FBXL2: variants seen among roughly 807,000 people sequenced by gnomAD.
FBXL2 encodes the protein F-box/LRR-repeat protein 2.
In FBXL2, 38 loss-of-function variants were observed where a neutral mutation model predicts 69.2. The observed-to-expected ratio is 0.55, with a 90% CI of 0.42 to 0.72. FBXL2 has a LOEUF of 0.72. Among genes scored for constraint, FBXL2 ranks in the 30% least tolerant of loss-of-function variants. The pLI is 0.00. For missense variants in FBXL2, 354 were observed against 520.3 expected (o/e 0.68, Z 3.11); for synonymous variants, 192 against 201.3 (o/e 0.95, Z 0.39).
Position 33,364,812 on chromosome 3 carries a change from A to G in FBXL2, c.290+93A>G, listed in dbSNP as rs1163870364. The G allele has an allele frequency of 1.3e-5, 15 of 1,116,572 alleles. No homozygotes were observed. The Admixed American group carries it at 1.6e-4, about 12-fold the overall frequency. The allele number at this position is 1,116,572 out of a possible 1,614,324, so 69.2% of individuals were successfully genotyped here. A position where few individuals can be genotyped will look rare whatever the true frequency, so the allele number is the denominator to read the frequency against. ...GCCTATTACATGCTCTTCTTCTGTT[A>G]AAATTCTTTCTGTGGTAATTTGCAT... On this transcript the variant is annotated intron_variant, in intron 5 of 14. Transcript: ENST00000484457.
intron 2 of FBXL2, among the ~76,000 whole-genome samples, chr3:33,323,672 T>C (rs7372696): frequency 0.097 from 14,774 of 152,248 alleles, 752 homozygotes; most frequent in South Asian, 0.11. Context: ...TATCCCATGG[T>C]ATATATGTAC....
intron 2 of FBXL2, among the ~76,000 whole-genome samples, chr3:33,301,588 T>A (rs1342936872): frequency 6.6e-6 from 1 of 152,236 alleles, no homozygotes; most frequent in Non-Finnish European, 1.5e-5. Context: ...ATTCCTTCTC[T>A]ACTACCCATT....
At chr3:33,400,929 A>C (rs1350502548) in intron 12 of FBXL2, 6 of 1,585,392 alleles carry the variant, frequency 3.8e-6, no homozygotes, top group Non-Finnish European at 5.1e-6. Flanking sequence ...GAACCCTGAA[A>C]GCATCAGATA....
downstream of FBXL2, chr3:33,392,574 G>C (rs575265966): frequency 2.5e-6 from 4 of 1,610,818 alleles, no homozygotes; most frequent in South Asian, 4.4e-5. Flanking sequence ...TTTTACTGTG[G>C]AGAATAAAAA....
At chr3:33,297,366 T>C (rs1028275181) in intron 1 of FBXL2, among the ~76,000 whole-genome samples, 1 of 152,216 alleles carries the variant, frequency 6.6e-6, no homozygotes, top group Non-Finnish European at 1.5e-5. Flanking sequence ...GAGGTTGTTT[T>C]ACTTCTTCCT....
intron 2 of FBXL2, among the ~76,000 whole-genome samples, chr3:33,309,675 A>G (rs775276706): frequency 1.3e-5 from 2 of 152,054 alleles, no homozygotes; most frequent in Non-Finnish European, 2.9e-5. Flanking sequence ...TATTTCATAG[A>G]TCCTTCATTC....
intron 2 of FBXL2, among the ~76,000 whole-genome samples, chr3:33,322,064 A>AT (rs34703817): frequency 0.036 from 2,242 of 62,492 alleles, 512 homozygotes; most frequent in African/African-American, 0.055. Flanking sequence ...TGACTAGGTG[A>AT]TTTTTTTTTT....
At chr3:33,297,519 A>G (rs2035849429) in intron 1 of FBXL2, 145 bp from the exon 2 acceptor site, 5 of 581,594 alleles carry the variant, frequency 8.6e-6, no homozygotes, top group South Asian at 4.2e-5. Flanking sequence ...TCAATATTAG[A>G]ATATGGTGGC....
rs114057871 is a variant in FBXL2, at chr3:33,369,371, G to T, written c.291-3721G>T. Among the ~76,000 whole-genome samples, 1,409 of 151,818 alleles carry T rather than the reference G, an allele frequency of 9.3e-3. 19 individuals are homozygous for T. The highest frequency in any genetic ancestry group is 0.032 in the African/African-American group (1,314 of 41,430). ...CTGGCCGAGATTAAGTGTTTTTTAT[G>T]ATTTCATTTTATATTCTTTTTTAGC... On this transcript the variant is annotated intron_variant, in intron 5 of 14. Coordinates refer to ENST00000484457, the MANE Select transcript of FBXL2 (RefSeq NM_012157.5).
chr3:33,396,284 C>T (rs367993972), intron 12 of FBXL2: 8 of 1,570,306 alleles, frequency 5.1e-6, no homozygotes, highest in Admixed American at 5.1e-5. Flanking sequence ...AACCGACCTG[C>T]AATCAGAAGA....
intron 2 of FBXL2, among the ~76,000 whole-genome samples, chr3:33,300,013 G>A (rs978504796): frequency 2.9e-4 from 44 of 152,132 alleles, no homozygotes; most frequent in Admixed American, 2.9e-3. Context: ...AGTGCTTGCA[G>A]TCTGGGTCTG....
chr3:33,349,856 TA>T (rs1410884366), intron 2 of FBXL2, among the ~76,000 whole-genome samples: 4 of 152,184 alleles, frequency 2.6e-5, no homozygotes, highest in Non-Finnish European at 4.4e-5. Flanking sequence ...CAAAGAGAAG[TA>T]AACTGAATAG....
At chr3:33,370,772 C>T (rs1340677419) in intron 5 of FBXL2, among the ~76,000 whole-genome samples, 4 of 152,120 alleles carry the variant, frequency 2.6e-5, no homozygotes, top group African/African-American at 4.8e-5. Flanking sequence ...CACACTACCA[C>T]GCATGGCTAA....
At chr3:33,412,561 G>A in the FBXL2 span, among the ~76,000 whole-genome samples, 4 of 147,096 alleles carry the variant, frequency 2.7e-5, no homozygotes, top group South Asian at 4.3e-4. Flanking sequence ...TATCCTGGGC[G>A]AGAGAGCAAG....
chr3:33,373,667 G>A lies in FBXL2; in HGVS notation c.545G>A (p.Arg182Gln), dbSNP rs986759962. The change falls in exon 8 of 15, where the codon CGA (arginine) becomes CAA (glutamine). Residue 182 changes from arginine (R) to glutamine (Q), a missense_variant. By Grantham distance (43) the Arg-to-Gln change is conservative (BLOSUM62 1). Transcript: ENST00000484457. ...DGIEALVRGC[R>Q]GLKALLLRGC... ...ATCGAGGCACTGGTGCGAGGTTGTC[G>A]AGGCCTGAAAGCCCTGCTCCTGAGG... The A allele has an allele frequency of 2.5e-6, 4 of 1,614,190 alleles. No homozygotes were observed. Among genetic ancestry groups the A allele is most frequent in the African/African-American group, 1.3e-5 (1 of 75,052 alleles).
intron 1 of FBXL2, among the ~76,000 whole-genome samples, chr3:33,283,841 T>A (rs1383495608): frequency 1.3e-5 from 2 of 152,180 alleles, no homozygotes; most frequent in Non-Finnish European, 2.9e-5. Context: ...TGCATAGAGG[T>A]GTTTACAGTA....
chr3:33,403,799 A>G (rs2044335008), downstream of FBXL2: 1 of 152,220 alleles, frequency 6.6e-6, no homozygotes, highest in South Asian at 2.1e-4. Flanking sequence ...CAGACTTGAG[A>G]TACAGACATC....
downstream of FBXL2, chr3:33,393,034 G>A (rs2043830894): frequency 2.7e-6 from 1 of 365,786 alleles, no homozygotes; most frequent in Non-Finnish European, 4.8e-6. Context: ...CATAAAAAGG[G>A]CCAAAGCCTG....
intron 2 of FBXL2, among the ~76,000 whole-genome samples, chr3:33,353,384 T>C (rs899502569): frequency 6.6e-6 from 1 of 152,208 alleles, no homozygotes; most frequent in Admixed American, 6.5e-5. Context: ...AACTAAGATG[T>C]CCTGCAATAG....
Sources: gnomAD v4.1 joint callset for allele counts (sites outside exome capture counted in the v4.1 genomes callset) on GRCh38, gnomAD v4.1.1 for gene constraint, MANE v1.5 for transcripts, NCBI Gene and HGNC (gene_info 2026-07-23, HGNC 2026-07-21) for gene names.